Variants in CCDC88C observed in about 807,000 individuals in gnomAD.
CCDC88C encodes coiled-coil and HOOK domain protein 88C, also known as protein Daple.
Under a neutral mutation model 198.8 loss-of-function variants are expected in CCDC88C, and 131 were observed. The ratio of observed to expected loss-of-function variants is 0.66; its 90% confidence interval spans 0.57 to 0.76. The LOEUF (loss-of-function observed/expected upper bound fraction) is 0.76. Among genes scored for constraint, CCDC88C ranks in the 30% least tolerant of loss-of-function variants. The pLI is 0.00. For synonymous variants in CCDC88C, 1,166 were observed against 1,114.7 expected (o/e 1.05, Z -0.92); for missense variants, 2,553 against 2,631.6 (o/e 0.97, Z 0.65).
At position 91,343,585 on chromosome 14, in the gene CCDC88C, T is replaced by G. The variant is rs1893395331; in HGVS notation, c.399+14A>C. 1 of 1,613,558 alleles carries G rather than the reference T, an allele frequency of 6.2e-7. No individual in the cohort carries two copies. Among genetic ancestry groups the G allele is most frequent in the South Asian group, 1.1e-5 (1 of 91,090 alleles). ...GGGGTAGGTCCCTCTGCTGCAGCCC[T>G]GCCCAATCCCTACCTGGACAGCACA... On this transcript the variant is annotated intron_variant, in intron 5 of 29. Coordinates refer to ENST00000389857, the MANE Select transcript of CCDC88C (RefSeq NM_001080414.4).
At chr14:91,334,531 G>A (rs987367293) in intron 10 of CCDC88C, among the ~76,000 whole-genome samples, 2 of 152,154 alleles carry the variant, frequency 1.3e-5, no homozygotes, top group African/African-American at 4.8e-5. Flanking sequence ...TATAGGCATG[G>A]GCCACCACGC....
intron 4 of CCDC88C, among the ~76,000 whole-genome samples, chr14:91,348,315 T>C (rs917688938): frequency 1.9e-5 from 2 of 103,426 alleles, no homozygotes; most frequent in African/African-American, 3.7e-5. Flanking sequence ...CAAGACCCTA[T>C]CTCTATTAAA....
intron 20 of CCDC88C, among the ~76,000 whole-genome samples, chr14:91,302,203 C>A (rs578103331): frequency 3.9e-5 from 6 of 152,296 alleles, no homozygotes; most frequent in African/African-American, 1.4e-4. Context: ...GGCTCCTGAC[C>A]GTGGAGATGT....
At chr14:91,294,408 C>A in intron 22 of CCDC88C, 90 bp from the exon 23 acceptor site, 5 of 1,443,998 alleles carry the variant, frequency 3.5e-6, no homozygotes, top group Non-Finnish European at 3.8e-6. Context: ...AAGGCCACTG[C>A]ACAAAGATGT....
chr14:91,414,273 C>T (rs1026990287), intron 2 of CCDC88C, among the ~76,000 whole-genome samples: 2 of 152,188 alleles, frequency 1.3e-5, no homozygotes, highest in Non-Finnish European at 1.5e-5. Flanking sequence ...ACAACCATCT[C>T]TTAAGGAAGG....
chr14:91,305,984 C>T, intron 18 of CCDC88C, 58 bp from the exon 19 acceptor site: 1 of 1,569,084 alleles, frequency 6.4e-7, no homozygotes, highest in East Asian at 2.3e-5. Context: ...GCTAACTGGC[C>T]ACAGGTACTT....
chr14:91,321,060 AG>A, intron 13 of CCDC88C, 59 bp downstream of exon 13: 2 of 1,459,684 alleles, frequency 1.4e-6, no homozygotes, highest in Non-Finnish European at 1.8e-6. Flanking sequence ...ATCACTGGGG[AG>A]GATGGGAGGG....
At position 91,278,204 on chromosome 14, in the gene CCDC88C, G is replaced by A. The variant is rs199837428; in HGVS notation, c.4776C>T (p.Ser1592=). Reference sequence around the variant, plus strand: ...TCTCAGACCGGCCATGGAGCTGCTCGGAGGAGCCTGGGTGTCAGGGCAGGA... The same window carrying A: ...TCTCAGACCGGCCATGGAGCTGCTCAGAGGAGCCTGGGTGTCAGGGCAGGA... The part of the protein sequence containing the change: ...NSSPLNLKGS[S]EQLHGRSESF... The change falls in exon 29 of 30, where the codon TCC becomes TCT. Residue 1592 remains serine (S), a synonymous_variant. Transcript: ENST00000389857. 3.4e-5 allele frequency: 55 copies of A among 1,597,426 alleles called. No individual in the cohort carries two copies. The highest frequency in any genetic ancestry group is 4.3e-5 in the Non-Finnish European group (50 of 1,169,154).
chr14:91,297,491 C>G lies in CCDC88C; in HGVS notation c.3780G>C (p.Arg1260Ser), dbSNP rs1212385824. 6.4e-7 allele frequency: 1 copy of G among 1,553,742 alleles called. No individual in the cohort carries two copies. The highest frequency in any genetic ancestry group is 8.7e-7 in the Non-Finnish European group (1 of 1,148,118). The change falls in exon 22 of 30, where the codon AGG becomes AGC. Residue 1260 changes from arginine (R) to serine (S), a missense_variant and splice_region_variant. Arg to Ser is a moderately radical substitution (Grantham distance 110, BLOSUM62 -1). Coordinates refer to ENST00000389857, the MANE Select transcript of CCDC88C (RefSeq NM_001080414.4). ...TCAGCTGGTGGTGCAGGAAATTGAC[C>G]CTGGAGGAGGAAGAGTCACAGGGCA... is the stretch of plus-strand genomic sequence containing the variant. ...ENQRLRGELD[R>S]VNFLHHQLKG...
intron 25 of CCDC88C, chr14:91,285,498 T>C: frequency 2.0e-6 from 1 of 501,140 alleles, no homozygotes; most frequent in Non-Finnish European, 3.5e-6. Context: ...TGACAACTCA[T>C]CTTCTATTTT....
intron 3 of CCDC88C, among the ~76,000 whole-genome samples, chr14:91,405,163 T>C (rs1032714070): frequency 4.6e-5 from 7 of 152,000 alleles, no homozygotes; most frequent in African/African-American, 1.7e-4. Context: ...CTCCCCAGGT[T>C]CTCAGAGGTC....
At chr14:91,393,605 GGATACTC>G (rs1885659284) in intron 3 of CCDC88C, among the ~76,000 whole-genome samples, 1 of 152,118 alleles carries the variant, frequency 6.6e-6, no homozygotes, top group South Asian at 2.1e-4. Flanking sequence ...TCTAAGCTTG[GGATACTC>G]GCCTCTGCAA....
Position 91,379,662 on chromosome 14 carries a change from C to T in CCDC88C, c.271-19951G>A, listed in dbSNP as rs1297828235. On this transcript the variant is annotated intron_variant, in intron 3 of 29. Coordinates refer to ENST00000389857, the MANE Select transcript of CCDC88C (RefSeq NM_001080414.4). ...GCCTCAAGCTCACCTTCTTCCACTC[C>T]GCCCCAGCACCCATTCTCCTTGCTG... 2.4e-5 allele frequency: 14 copies of T among 589,040 alleles called. No homozygotes were observed. The Admixed American group carries it at 2.4e-4, about 10-fold the overall frequency. The allele number at this position is 589,040 out of a possible 1,614,324, so 36.5% of individuals were successfully genotyped here. A position where few individuals can be genotyped will look rare whatever the true frequency, so the allele number is the denominator to read the frequency against.
At position 91,303,830 on chromosome 14, in the gene CCDC88C, T is replaced by TG; in HGVS notation, c.3505dup (p.Gln1169ProfsTer47). 1.2e-6 allele frequency: 2 copies of TG among 1,613,322 alleles called. No homozygotes were observed. The highest frequency in any genetic ancestry group is 1.1e-5 in the South Asian group (1 of 91,088). The stretch of plus-strand genomic sequence containing the variant: ...CAGCGTGCCCAGGTGCTCGTGGTCC[T>TG]GCAGCAGGGCCTCGTAGGCCGCTGT... On this transcript the variant is annotated frameshift_variant, in exon 20 of 30. Coordinates refer to ENST00000389857, the MANE Select transcript of CCDC88C (RefSeq NM_001080414.4). LOFTEE classifies it high-confidence loss of function.
rs1473605739 is a variant in CCDC88C, at chr14:91,352,665, A to C, written c.340+6977T>G. ...TATATACACACACACATATACACTT[A>C]TACACAGGATTAGAGAATTATGGCC... On this transcript the variant is annotated intron_variant, in intron 4 of 29. Coordinates refer to ENST00000389857, the MANE Select transcript of CCDC88C (RefSeq NM_001080414.4). The surrounding 1 kb of genome is among the most constrained non-coding windows in gnomAD (Gnocchi z 4.2). Among the ~76,000 whole-genome samples, 1 of 152,210 alleles carries C rather than the reference A, an allele frequency of 6.6e-6. No individual in the cohort carries two copies. Among genetic ancestry groups the C allele is most frequent in the Admixed American group, 6.5e-5 (1 of 15,284 alleles).
chr14:91,366,884 T>G (rs1894566394), intron 3 of CCDC88C, among the ~76,000 whole-genome samples: 1 of 152,206 alleles, frequency 6.6e-6, no homozygotes, highest in African/African-American at 2.4e-5. Context: ...CTTAACAACC[T>G]GCCAGGGCCA....
chr14:91,416,894 G>A (rs567479451), intron 1 of CCDC88C, 56 bp from the exon 2 acceptor site: 20 of 1,267,038 alleles, frequency 1.6e-5, no homozygotes, highest in Non-Finnish European at 2.2e-5. Flanking sequence ...GCGCACAAAC[G>A]GTCCAAAGCT....
In CCDC88C at chr14:91,313,590, C is replaced by T; in HGVS notation, c.2226G>A (p.Lys742=). ...QLEREKEELR[K]NVDLLKALGK... is the part of the protein sequence containing the mutation. ...CCAGCGCCTTGAGCAGATCCACGTT[C>T]TTCCTCAGCTCCTCCTTCTCACGCT... Residue 742 remains lysine, a synonymous_variant, in exon 15 of 30, where the codon AAG becomes AAA. Coordinates refer to ENST00000389857, the MANE Select transcript of CCDC88C (RefSeq NM_001080414.4). The surrounding 1 kb of genome is among the most constrained non-coding windows in gnomAD (Gnocchi z 5.2). 1.9e-6 allele frequency: 3 copies of T among 1,612,528 alleles called. No individual in the cohort carries two copies. Among genetic ancestry groups the T allele is most frequent in the Non-Finnish European group, 2.5e-6 (3 of 1,179,892 alleles).
At chr14:91,395,601 C>A (rs1885793858) in intron 3 of CCDC88C, among the ~76,000 whole-genome samples, 1 of 152,132 alleles carries the variant, frequency 6.6e-6, no homozygotes, top group Non-Finnish European at 1.5e-5. Flanking sequence ...AGTCACCCCA[C>A]AGAGCTGGCT....
Sources: gnomAD v4.1 joint callset for allele counts (sites outside exome capture counted in the v4.1 genomes callset) on GRCh38, gnomAD v4.1.1 for gene constraint, Gnocchi (gnomAD v3.1) non-coding constraint, MANE v1.5 for transcripts, NCBI Gene and HGNC (gene_info 2026-07-23, HGNC 2026-07-21) for gene names.